Variants in PACRG observed in about 807,000 individuals in gnomAD.
The protein encoded by PACRG is parkin coregulated gene protein.
PACRG carries 29 observed loss-of-function variants against 29.7 expected under a neutral mutation model. That is an observed-to-expected ratio of 0.98 (90% CI 0.73 to 1.33). PACRG has a LOEUF of 1.33. Ranked by LOEUF, PACRG falls within the 40% of genes most tolerant of loss-of-function variation. The probability of loss-of-function intolerance (pLI) is 0.00; values close to 1 mark genes in which losing one functional copy is unlikely to be tolerated. For missense variants in PACRG, 279 were observed against 316.2 expected (o/e 0.88, Z 0.89); for synonymous variants, 116 against 118.7 (o/e 0.98, Z 0.15).
At chr6:162,754,527 C>CA (rs939994363) in intron 1 of PACRG, among the ~76,000 whole-genome samples, 26 of 152,056 alleles carry the variant, frequency 1.7e-4, no homozygotes, top group South Asian at 8.3e-4. Context: ...GAGTTATATC[C>CA]AAAAAATAAC....
intron 4 of PACRG, among the ~76,000 whole-genome samples, chr6:163,260,933 C>T (rs190578469): frequency 2.9e-3 from 436 of 149,448 alleles, no homozygotes; most frequent in Non-Finnish European, 5.1e-3. Context: ...ATCTAGGAAC[C>T]TTTTTTTTTT....
chr6:162,746,286 C>T (rs1283061799), intron 1 of PACRG, among the ~76,000 whole-genome samples: 2 of 152,098 alleles, frequency 1.3e-5, no homozygotes, highest in African/African-American at 4.8e-5. Flanking sequence ...CATGATAAAA[C>T]TGTAACATTG....
chr6:163,271,029 T>G (rs1783805193), intron 4 of PACRG, among the ~76,000 whole-genome samples: 1 of 152,078 alleles, frequency 6.6e-6, no homozygotes, highest in African/African-American at 2.4e-5. Context: ...AGGAAGCCAG[T>G]TCGAGTCCCA....
chr6:162,987,287 C>T (rs1382851893), intron 2 of PACRG, among the ~76,000 whole-genome samples: 1 of 152,122 alleles, frequency 6.6e-6, no homozygotes, highest in African/African-American at 2.4e-5. Context: ...TGTTATTGCT[C>T]TTCTGGGTCT....
chr6:163,139,915 CTT>C (rs933526398), intron 4 of PACRG, among the ~76,000 whole-genome samples: 3 of 152,100 alleles, frequency 2.0e-5, no homozygotes, highest in Non-Finnish European at 4.4e-5. Context: ...CCCTTTGTGT[CTT>C]TATTCTTTGT....
intron 4 of PACRG, among the ~76,000 whole-genome samples, chr6:163,104,341 GCCAAATTCCTTCT>G: frequency 6.6e-6 from 1 of 152,158 alleles, no homozygotes; most frequent in South Asian, 2.1e-4. Flanking sequence ...TTTAATCCCA[GCCAAATTCCTTCT>G]CAGAGTTATG....
At chr6:163,002,511 A>G (rs996485732) in intron 2 of PACRG, among the ~76,000 whole-genome samples, 10 of 152,246 alleles carry the variant, frequency 6.6e-5, no homozygotes, top group African/African-American at 2.4e-4. Context: ...AGAAATGATT[A>G]AGAAAAGAGC....
intron 2 of PACRG, among the ~76,000 whole-genome samples, chr6:162,995,570 C>T (rs1434418395): frequency 6.6e-6 from 1 of 152,230 alleles, no homozygotes; most frequent in African/African-American, 2.4e-5. Context: ...GCGCTTCCCA[C>T]GTGAGGCAAT....
chr6:163,166,122 G>C (rs774267127), intron 4 of PACRG: 1 of 456,254 alleles, frequency 2.2e-6, no homozygotes, highest in Non-Finnish European at 4.4e-6. Context: ...GGCTTGGCGC[G>C]GGGTTTCTGG....
intron 2 of PACRG, among the ~76,000 whole-genome samples, chr6:162,862,100 G>A (rs1363930668): frequency 6.6e-6 from 1 of 152,202 alleles, no homozygotes; most frequent in Non-Finnish European, 1.5e-5. Flanking sequence ...AGGCTGTACT[G>A]TGCTCCCTCT....
chr6:162,851,087 G>T (rs1315124513), intron 2 of PACRG, among the ~76,000 whole-genome samples: 2 of 152,250 alleles, frequency 1.3e-5, no homozygotes, highest in East Asian at 3.8e-4. Context: ...GCAGTGGGGT[G>T]AGAGCGGAGG....
At chr6:162,757,954 G>T (rs1016793467) in intron 1 of PACRG, among the ~76,000 whole-genome samples, 1 of 151,968 alleles carries the variant, frequency 6.6e-6, no homozygotes, top group Admixed American at 6.6e-5. Flanking sequence ...AATTATACTC[G>T]AATTATTCTC....
At chr6:163,283,552 G>A (rs1394734065) in intron 4 of PACRG, among the ~76,000 whole-genome samples, 2 of 152,128 alleles carry the variant, frequency 1.3e-5, no homozygotes, top group Non-Finnish European at 2.9e-5. Context: ...TGTAATCCCA[G>A]CACTTTGGGA....
In PACRG at chr6:163,004,737, T is replaced by TATAC. The variant is rs1269987576; in HGVS notation, c.292-57412_292-57411insTACA. On this transcript the variant is annotated intron_variant, in intron 2 of 4. Transcript: ENST00000366888. ...GTGTGTGTGTGTGTGTATATATATA[T>TATAC]ACACACACACACACACACATATCTG... Among the ~76,000 whole-genome samples, 115 of 135,528 alleles carry TATAC rather than the reference T, an allele frequency of 8.5e-4. 1 individual carries two copies. Among genetic ancestry groups the TATAC allele is most frequent in the African/African-American group, 3.3e-3 (104 of 31,848 alleles). The allele number at this position is 135,528 out of a possible 152,430, so 88.9% of individuals were successfully genotyped here.
At chr6:162,952,239 A>G (rs555755143) in intron 2 of PACRG, among the ~76,000 whole-genome samples, 1 of 152,326 alleles carries the variant, frequency 6.6e-6, no homozygotes, top group East Asian at 1.9e-4. Flanking sequence ...TGGAACTTTA[A>G]AAACATTACA....
chr6:162,998,374 T>C (rs897927010), intron 2 of PACRG, among the ~76,000 whole-genome samples: 1 of 152,238 alleles, frequency 6.6e-6, no homozygotes. Context: ...ATGGTCTCCA[T>C]CACCTGGCAT....
chr6:162,804,547 C>T (rs938630289), intron 1 of PACRG, among the ~76,000 whole-genome samples: 1 of 152,092 alleles, frequency 6.6e-6, no homozygotes, highest in African/African-American at 2.4e-5. Context: ...GTTCATAAAG[C>T]AATGAACACA....
intron 2 of PACRG, among the ~76,000 whole-genome samples, chr6:162,849,385 T>C (rs1790676230): frequency 6.6e-6 from 1 of 152,306 alleles, no homozygotes; most frequent in South Asian, 2.1e-4. Context: ...CAGCTCCCTG[T>C]TTGCTCCACT....
intron 2 of PACRG, among the ~76,000 whole-genome samples, chr6:162,985,347 A>G (rs1030710703): frequency 2.0e-5 from 3 of 152,106 alleles, no homozygotes; most frequent in Non-Finnish European, 4.4e-5. Flanking sequence ...TATGAAAAAG[A>G]TAATCCACCA....
Sources: gnomAD v4.1 joint callset for allele counts (sites outside exome capture counted in the v4.1 genomes callset) on GRCh38, gnomAD v4.1.1 for gene constraint, MANE v1.5 for transcripts, NCBI Gene and HGNC (gene_info 2026-07-23, HGNC 2026-07-21) for gene names.